Variants in KCNN2 observed in about 807,000 individuals in gnomAD.
The protein encoded by KCNN2 is potassium calcium-activated channel subfamily N member 2.
In KCNN2, 24 loss-of-function variants were observed where a neutral mutation model predicts 55.5. That is an observed-to-expected ratio of 0.43 (90% CI 0.31 to 0.61). The LOEUF is 0.61. KCNN2 is among the 20% of genes least tolerant of loss of function. KCNN2 has a pLI of 0.08. For missense variants in KCNN2, 754 were observed against 853.6 expected, an observed-to-expected ratio of 0.88 and a Z score of 1.45; for synonymous variants, 431 against 336.1, an observed-to-expected ratio of 1.28 and a Z score of -3.09.
At position 114,404,348 on chromosome 5, in the gene KCNN2, AG is replaced by A. The variant is rs1308387735; in HGVS notation, c.1219-89del. 4.9e-6 allele frequency: 5 copies of A among 1,025,864 alleles called. No individual in the cohort carries two copies. In the Admixed American group the frequency reaches 6.6e-5, roughly 14 times the overall value. 63.5% of individuals were successfully genotyped at this position (1,025,864 alleles called of 1,614,324 possible). On this transcript the variant is annotated intron_variant, in intron 2 of 7. Coordinates refer to ENST00000673685, the MANE Select transcript of KCNN2 (RefSeq NM_021614.4). ...CCTTTAGCTTGCCATGATTGCTAAA[AG>A]TCATCTGTTGTGTGTTTTTAAAATC...
At chr5:114,228,506 T>A (rs1248992798) in intron 2 of KCNN2, among the ~76,000 whole-genome samples, 1 of 152,054 alleles carries the variant, frequency 6.6e-6, no homozygotes. Context: ...ATAGTTTTAT[T>A]ATGATGTAGT....
At chr5:114,276,188 G>A (rs57940808) in intron 2 of KCNN2, among the ~76,000 whole-genome samples, 24,521 of 152,176 alleles carry the variant, frequency 0.16, 3,512 homozygotes, top group East Asian at 0.81. Flanking sequence ...ACAGTGGTCT[G>A]AGAGACAGTT....
chr5:114,363,385 G>A, intron 1 of KCNN2, 124 bp downstream of exon 1: 2 of 1,239,904 alleles, frequency 1.6e-6, no homozygotes, highest in Non-Finnish European at 2.2e-6. Context: ...GAGCCCGCCA[G>A]GACAGCGGGC....
At chr5:114,169,670 A>C (rs1299576602) in intron 1 of KCNN2, among the ~76,000 whole-genome samples, 1 of 152,106 alleles carries the variant, frequency 6.6e-6, no homozygotes, top group Non-Finnish European at 1.5e-5. Context: ...GGAATCTGAC[A>C]GGTCAGTTTC....
At chr5:114,088,774 C>G (rs1355040005) in intron 1 of KCNN2, among the ~76,000 whole-genome samples, 1 of 152,044 alleles carries the variant, frequency 6.6e-6, no homozygotes, top group African/African-American at 2.4e-5. Flanking sequence ...CGTCTGCCAC[C>G]ATTATCAGCT....
chr5:114,154,955 G>A (rs1752599611), intron 1 of KCNN2, among the ~76,000 whole-genome samples: 1 of 151,918 alleles, frequency 6.6e-6, no homozygotes, highest in Admixed American at 6.6e-5. Context: ...TTCATCATGG[G>A]GGTTTGTTGT....
intron 1 of KCNN2, among the ~76,000 whole-genome samples, chr5:114,194,364 G>T (rs1210169922): frequency 1.3e-5 from 2 of 151,890 alleles, no homozygotes; most frequent in East Asian, 3.8e-4. Context: ...TACCCTTAAT[G>T]TTGTCTGTCT....
intron 5 of KCNN2, among the ~76,000 whole-genome samples, chr5:114,484,334 A>G (rs1762358496): frequency 6.6e-6 from 1 of 152,046 alleles, no homozygotes; most frequent in Non-Finnish European, 1.5e-5. Flanking sequence ...GATGGGAGGG[A>G]GGTTAGGGAT....
At chr5:114,314,931 AG>A (rs1355700290) in intron 2 of KCNN2, among the ~76,000 whole-genome samples, 1 of 152,204 alleles carries the variant, frequency 6.6e-6, no homozygotes, top group Non-Finnish European at 1.5e-5. Context: ...AACTAAAACC[AG>A]TATATTTGAG....
At chr5:114,279,632 A>T (rs1010237046) in intron 2 of KCNN2, among the ~76,000 whole-genome samples, 4 of 152,100 alleles carry the variant, frequency 2.6e-5, no homozygotes, top group African/African-American at 9.7e-5. Flanking sequence ...ACATGAACTC[A>T]TCCTTTTTAT....
chr5:114,185,793 T>G (rs1438094576), intron 1 of KCNN2, among the ~76,000 whole-genome samples: 3 of 152,222 alleles, frequency 2.0e-5, no homozygotes, highest in Non-Finnish European at 4.4e-5. Flanking sequence ...ATTTGACTAA[T>G]GACAAGGAGG....
chr5:114,068,512 T>C lies in KCNN2; in HGVS notation c.-271+12012T>C, dbSNP rs537699608. On this transcript the variant is annotated intron_variant, in intron 1 of 10. Coordinates refer to the KCNN2 transcript ENST00000512097. Reference sequence around the variant, plus strand: ...CAGCTGCCCAAGTGACAGTTTATACTGTTTCCATGGGTAAAAAGCTCAGGC... The same window carrying C: ...CAGCTGCCCAAGTGACAGTTTATACCGTTTCCATGGGTAAAAAGCTCAGGC... Among the ~76,000 whole-genome samples the C allele has an allele frequency of 1.1e-3, 171 of 152,322 alleles. 2 individuals carry two copies. The highest frequency in any genetic ancestry group is 1.0e-4 in the Non-Finnish European group (7 of 68,030).
Position 114,413,529 on chromosome 5 carries a change from T to G in KCNN2, c.1637+8673T>G, listed in dbSNP as rs529441200. Among the ~76,000 whole-genome samples the G allele has an allele frequency of 2.6e-5, 4 of 152,266 alleles. No homozygotes were observed. In the East Asian group the frequency reaches 7.7e-4, roughly 29 times the overall value. On this transcript the variant is annotated intron_variant, in intron 3 of 7. Coordinates refer to ENST00000673685, the MANE Select transcript of KCNN2 (RefSeq NM_021614.4). ...TCTTGAATTCTTGACCTCAGGTGAT[T>G]TGCCCACTAGGCCTCTCAAAGTGCT...
In KCNN2 at chr5:114,362,949, T is replaced by C. The variant is rs766463482; in HGVS notation, c.810T>C (p.Ala270=). Residue 270 remains alanine, a synonymous_variant, in exon 1 of 8, where the codon GCT becomes GCC. Coordinates refer to ENST00000673685, the MANE Select transcript of KCNN2 (RefSeq NM_021614.4). ...CTGCAGCCGCTGCCGCCGCCGCCGC[T>C]GTTTCGTCCTCAGCCCCCGAGATCG... The part of the protein sequence containing the change: ...SPSAAAAAAA[A]VSSSAPEIVV... 11 of 1,530,166 alleles carry C rather than the reference T, an allele frequency of 7.2e-6. No individual in the cohort carries two copies. The highest frequency in any genetic ancestry group is 1.9e-5 in the Admixed American group (1 of 53,228). 94.8% of individuals were successfully genotyped at this position (1,530,166 alleles called of 1,614,324 possible). A position where few individuals can be genotyped will look rare whatever the true frequency, so the allele number is the denominator to read the frequency against.
At chr5:114,479,225 A>AC (rs1762110796) in intron 5 of KCNN2, among the ~76,000 whole-genome samples, 2 of 62,008 alleles carry the variant, frequency 3.2e-5, no homozygotes, top group African/African-American at 9.3e-5. Context: ...AATGAAAACT[A>AC]TAAAAAAAAA....
At chr5:114,093,060 G>T (rs1279890456) in intron 1 of KCNN2, among the ~76,000 whole-genome samples, 1 of 152,104 alleles carries the variant, frequency 6.6e-6, no homozygotes, top group African/African-American at 2.4e-5. Context: ...CTGTCACATT[G>T]TCAGGATGCA....
At chr5:114,336,801 G>A (rs1463056969) in intron 2 of KCNN2, among the ~76,000 whole-genome samples, 2 of 152,122 alleles carry the variant, frequency 1.3e-5, no homozygotes. Flanking sequence ...AAAGGAAATA[G>A]CTTGTCCAGT....
At chr5:114,441,341 T>C (rs1490191619) in intron 3 of KCNN2, among the ~76,000 whole-genome samples, 2 of 152,176 alleles carry the variant, frequency 1.3e-5, no homozygotes, top group Non-Finnish European at 2.9e-5. Context: ...AGCATACATA[T>C]ATTAAACCCT....
intron 1 of KCNN2, among the ~76,000 whole-genome samples, chr5:114,150,944 C>A (rs959258701): frequency 1.3e-5 from 2 of 151,998 alleles, no homozygotes; most frequent in Non-Finnish European, 2.9e-5. Flanking sequence ...TTGCTTGAAC[C>A]CGGGAGGCAG....
Sources: gnomAD v4.1 joint callset for allele counts (sites outside exome capture counted in the v4.1 genomes callset) on GRCh38, gnomAD v4.1.1 for gene constraint, MANE v1.5 for transcripts, NCBI Gene and HGNC (gene_info 2026-07-23, HGNC 2026-07-21) for gene names.